Variants in CA12 observed in about 807,000 individuals in gnomAD.
The protein encoded by CA12 is carbonate dehydratase XII.
A neutral mutation model predicts 46.8 loss-of-function variants in CA12; 36 were observed. The ratio of observed to expected loss-of-function variants is 0.77; its 90% CI spans 0.59 to 1.02. CA12 has a LOEUF of 1.02. Among genes scored for constraint, CA12 ranks in the 50% least tolerant of loss-of-function variants. The pLI, the probability that CA12 is intolerant of heterozygous loss-of-function variation, is 0.00. For missense variants in CA12, 436 were observed against 451.4 expected (o/e 0.97, Z 0.31); for synonymous variants, 202 against 187.0 (o/e 1.08, Z -0.65).
At position 63,345,518 on chromosome 15, in the gene CA12, C is replaced by T. The variant is rs752351418; in HGVS notation, c.388G>A (p.Gly130Ser). ...TGTCCGCTGACGGTGTGCTCAGAGC[C>T]GTGCGGGTCATTCGGGTTCCCCCAG... is the stretch of plus-strand genomic sequence containing the variant. ...LHWGNPNDPH[G>S]SEHTVSGQHF... Residue 130 changes from glycine to serine, a missense_variant, in exon 4 of 11, where the codon GGC becomes AGC. Coordinates refer to ENST00000178638, the MANE Select transcript of CA12 (RefSeq NM_001218.5). The surrounding 1 kb of genome is among the most constrained non-coding windows in gnomAD (Gnocchi z 4.3). The T allele has an allele frequency of 2.7e-5, 44 of 1,612,078 alleles. No homozygotes were observed. Among genetic ancestry groups the T allele is most frequent in the African/African-American group, 4.0e-5 (3 of 74,938 alleles).
rs2152607965 is a variant in CA12 at position 63,324,226 on chromosome 15, G to A, written c.*2059C>T. The A allele has an allele frequency of 6.6e-6, 1 of 152,384 alleles. No homozygotes were observed. Among genetic ancestry groups the A allele is most frequent in the South Asian group, 2.1e-4 (1 of 4,834 alleles). The allele number at this position is 152,384 out of a possible 1,614,324, so 9.4% of individuals were successfully genotyped here. A position where few individuals can be genotyped will look rare whatever the true frequency, so the allele number is the denominator to read the frequency against. ...CCAGGGCTGTGCTGAGCAGCAAGAG[G>A]AGAGGAGAAATGCCACTGTCTTGCA... On this transcript the variant is annotated 3_prime_UTR_variant, in exon 11 of 11. Transcript: ENST00000178638.
intron 4 of CA12, 24 bp from the exon 5 acceptor site, chr15:63,342,121 A>G (rs1162772277): frequency 6.8e-7 from 1 of 1,469,912 alleles, no homozygotes; most frequent in African/African-American, 1.4e-5. Flanking sequence ...GAAGCCACCC[A>G]TTAGGAGATA....
At chr15:63,359,625 G>GGT (rs2039335286) in intron 2 of CA12, among the ~76,000 whole-genome samples, 1 of 152,098 alleles carries the variant, frequency 6.6e-6, no homozygotes, top group African/African-American at 2.4e-5. Context: ...AGATCTATAT[G>GGT]CTATATGCTA....
rs1242641368 is a variant in CA12 at position 63,329,965 on chromosome 15, T to C, written c.875-1835A>G. Among the ~76,000 whole-genome samples the C allele has an allele frequency of 6.6e-6, 1 of 152,104 alleles. No homozygotes were observed. Among genetic ancestry groups the C allele is most frequent in the Non-Finnish European group, 1.5e-5 (1 of 68,014 alleles). On this transcript the variant is annotated intron_variant, in intron 8 of 10. Coordinates refer to ENST00000178638, the MANE Select transcript of CA12 (RefSeq NM_001218.5). The surrounding 1 kb of genome is among the most constrained non-coding windows in gnomAD (Gnocchi z 4.8). ...CTGGTCCAAGGCTGGGCCCTGGGGG[T>C]TCCTGGTCTGGCTTCCCCAGGTGGC...
intron 2 of CA12, among the ~76,000 whole-genome samples, chr15:63,362,411 G>A (rs752713971): frequency 1.6e-4 from 25 of 152,210 alleles, no homozygotes; most frequent in Non-Finnish European, 2.6e-4. Flanking sequence ...CATCTTCCAC[G>A]ACAGCAGCTT....
At chr15:63,366,409 C>A (rs2039435563) in intron 2 of CA12, among the ~76,000 whole-genome samples, 1 of 152,196 alleles carries the variant, frequency 6.6e-6, no homozygotes, top group Admixed American at 6.5e-5. Flanking sequence ...CCCCAGGAAG[C>A]CTTCTTTAAT....
intron 2 of CA12, among the ~76,000 whole-genome samples, chr15:63,354,225 T>C (rs1344242770): frequency 6.6e-6 from 1 of 152,130 alleles, no homozygotes; most frequent in Admixed American, 6.5e-5. Flanking sequence ...GTATCACCAC[T>C]GAATCAGAGG....
In CA12 at chr15:63,348,791, C is replaced by A. The variant is rs1331261677; in HGVS notation, c.107-2082G>T. 1.3e-5 allele frequency among the ~76,000 whole-genome samples: 2 copies of A among 152,198 alleles called. No homozygotes were observed. Among genetic ancestry groups the A allele is most frequent in the Non-Finnish European group, 2.9e-5 (2 of 68,036 alleles). ...GAAGATAGGGACCCCTCATCTTCGT[C>A]TCTGTGAACCCATATTATAAGTAGG... is the stretch of plus-strand genomic sequence containing the variant. On this transcript the variant is annotated intron_variant, in intron 2 of 10. Coordinates refer to ENST00000178638, the MANE Select transcript of CA12 (RefSeq NM_001218.5). The surrounding 1 kb of genome is among the most constrained non-coding windows in gnomAD (Gnocchi z 4.6).
rs34673043 is a variant in CA12 at position 63,364,332 on chromosome 15, G to GAAAAAAAA, written c.106+11318_106+11325dup. ...GTGAAACAGTGAAACCCCGTCACTAGAAAAAAAAAAAAAAAAAAAAAAACA... is the reference window on the plus strand; with the variant it reads ...GTGAAACAGTGAAACCCCGTCACTAGAAAAAAAAAAAAAAAAAAAAAAAAAAAAAAACA... On this transcript the variant is annotated intron_variant, in intron 2 of 10. Coordinates refer to ENST00000178638, the MANE Select transcript of CA12 (RefSeq NM_001218.5). 7.1e-4 allele frequency among the ~76,000 whole-genome samples: 40 copies of GAAAAAAAA among 56,100 alleles called. 6 individuals are homozygous for GAAAAAAAA. Among genetic ancestry groups the GAAAAAAAA allele is most frequent in the South Asian group, 1.1e-3 (1 of 874 alleles). 36.8% of individuals were successfully genotyped at this position (56,100 alleles called of 152,430 possible). A position where few individuals can be genotyped will look rare whatever the true frequency, so the allele number is the denominator to read the frequency against.
chr15:63,360,636 T>C (rs1356093041), intron 2 of CA12, among the ~76,000 whole-genome samples: 1 of 152,166 alleles, frequency 6.6e-6, no homozygotes, highest in African/African-American at 2.4e-5. Flanking sequence ...GCCATCCTCA[T>C]CCCTAAAACA....
At chr15:63,364,345 A>AAAAAAAAAAAC (rs1595789650) in intron 2 of CA12, among the ~76,000 whole-genome samples, 2 of 149,180 alleles carry the variant, frequency 1.3e-5, no homozygotes, top group East Asian at 1.9e-4. Context: ...AAAAAAAAAA[A>AAAAAAAAAAAC]AAAAAAAAAA....
rs1229649704 is a variant in CA12, at chr15:63,323,313, C to T, written c.*2972G>A. On this transcript the variant is annotated 3_prime_UTR_variant, in exon 11 of 11. Transcript: ENST00000178638. The surrounding 1 kb of genome is among the most constrained non-coding windows in gnomAD (Gnocchi z 5.1). ...CTCTAGGCTTCCCAGCACCATTAAGCAGCTTCGCGACCTGCAGCCACACAT... is the reference window on the plus strand; with the variant it reads ...CTCTAGGCTTCCCAGCACCATTAAGTAGCTTCGCGACCTGCAGCCACACAT... 1 of 152,250 alleles carries T rather than the reference C, an allele frequency of 6.6e-6. No homozygotes were observed. Among genetic ancestry groups the T allele is most frequent in the Non-Finnish European group, 1.5e-5 (1 of 68,062 alleles). 9.4% of individuals were successfully genotyped at this position (152,250 alleles called of 1,614,324 possible). A position where few individuals can be genotyped will look rare whatever the true frequency, so the allele number is the denominator to read the frequency against.
rs1275451644 is a variant in CA12, at chr15:63,345,601, G to A, written c.305C>T (p.Ser102Leu). ...NGHSVKLNLP[S>L]DMHIQGLQSR... ...CTGGAGGCCCTGGATGTGCATGTCCGAGGGCAGGTTCAGCTTCACTGCGGG... is the reference window on the plus strand; with the variant it reads ...CTGGAGGCCCTGGATGTGCATGTCCAAGGGCAGGTTCAGCTTCACTGCGGG... Residue 102 changes from serine to leucine, a missense_variant, in exon 4 of 11, where the codon TCG (serine) becomes TTG (leucine). Physicochemically the swap from Ser to Leu is moderately radical, Grantham distance 145 (BLOSUM62 -2). Transcript: ENST00000178638. The surrounding 1 kb of genome is among the most constrained non-coding windows in gnomAD (Gnocchi z 4.3). The A allele has an allele frequency of 2.5e-6, 4 of 1,612,766 alleles. No homozygotes were observed. The highest frequency in any genetic ancestry group is 2.2e-5 in the South Asian group (2 of 91,032).
At position 63,377,325 on chromosome 15, in the gene CA12, G is replaced by T. The variant is rs527304382; in HGVS notation, c.86-1647C>A. Among the ~76,000 whole-genome samples, 3 of 152,212 alleles carry T rather than the reference G, an allele frequency of 2.0e-5. No homozygotes were observed. The South Asian group carries it at 6.2e-4, about 32-fold the overall frequency. The stretch of plus-strand genomic sequence containing the variant: ...CCCACAAGGGTACAGATGGAAAAGC[G>T]TACCCTTGTGGGGAAGCACCTCACA... On this transcript the variant is annotated intron_variant, in intron 1 of 10. Coordinates refer to ENST00000178638, the MANE Select transcript of CA12 (RefSeq NM_001218.5).
intron 2 of CA12, among the ~76,000 whole-genome samples, chr15:63,349,903 G>A (rs1481538879): frequency 2.0e-5 from 3 of 152,074 alleles, no homozygotes; most frequent in East Asian, 1.9e-4. Context: ...CCCAGGGAAC[G>A]TGCACCCACC....
At position 63,327,208 on chromosome 15, in the gene CA12, A is replaced by G; in HGVS notation, c.933T>C (p.Ala311=). Residue 311 remains alanine, a synonymous_variant, in exon 10 of 11, where the codon GCT becomes GCC. Coordinates refer to ENST00000178638, the MANE Select transcript of CA12 (RefSeq NM_001218.5). The surrounding 1 kb of genome is among the most constrained non-coding windows in gnomAD (Gnocchi z 4.5). ...CCACAATACAGATGCCAAGAATGCC[A>G]GCCAGGGCCAGTGAGAGGATGATGC... ...SLGIILSLAL[A]GILGICIVVV... 1 of 1,614,080 alleles carries G rather than the reference A, an allele frequency of 6.2e-7. No individual in the cohort carries two copies. The highest frequency in any genetic ancestry group is 1.1e-5 in the South Asian group (1 of 91,050).
chr15:63,354,288 T>C (rs951149044), intron 2 of CA12, among the ~76,000 whole-genome samples: 3 of 152,218 alleles, frequency 2.0e-5, no homozygotes. Flanking sequence ...TTGTTATGAA[T>C]AAAGCTCAAA....
intron 2 of CA12, 116 bp downstream of exon 2, chr15:63,375,542 T>C (rs780256482): frequency 4.1e-5 from 29 of 708,738 alleles, no homozygotes; most frequent in Non-Finnish European, 7.0e-5. Flanking sequence ...ATACAAGAAC[T>C]GTGCTTCCGA....
intron 2 of CA12, 89 bp downstream of exon 2, chr15:63,375,569 C>G: frequency 1.1e-6 from 1 of 874,378 alleles, no homozygotes; most frequent in South Asian, 1.4e-5. Flanking sequence ...AAAATCACCT[C>G]CACAGAGCAT....
Sources: allele counts gnomAD v4.1 joint callset (sites outside exome capture counted in the v4.1 genomes callset), GRCh38; gene constraint gnomAD v4.1.1; non-coding constraint Gnocchi (gnomAD v3.1); transcripts MANE v1.5; gene names NCBI Gene and HGNC (gene_info 2026-07-23, HGNC 2026-07-21).